Variants in ZDHHC14 observed in about 807,000 individuals in gnomAD.
ZDHHC14 encodes palmitoyltransferase ZDHHC14.
ZDHHC14 carries 16 observed loss-of-function variants against 47.7 expected under a neutral mutation model. The observed-to-expected ratio is 0.34, with a 90% CI of 0.23 to 0.51. ZDHHC14 has a LOEUF of 0.51. ZDHHC14 is among the 20% of genes least tolerant of loss of function. The pLI is 0.97. For synonymous variants in ZDHHC14, 293 were observed against 278.9 expected (o/e 1.05, Z -0.50); for missense variants, 515 against 662.5 (o/e 0.78, Z 2.44).
chr6:157,514,524 G>A (rs572658854), intron 1 of ZDHHC14, among the ~76,000 whole-genome samples: 1 of 152,232 alleles, frequency 6.6e-6, no homozygotes, highest in Non-Finnish European at 1.5e-5. Context: ...ATATCGCCAA[G>A]AAGTTGGATT....
intron 1 of ZDHHC14, among the ~76,000 whole-genome samples, chr6:157,534,045 A>G (rs548290028): frequency 2.0e-5 from 3 of 152,200 alleles, no homozygotes; most frequent in Non-Finnish European, 4.4e-5. Context: ...ATTGGATGAA[A>G]CAAGAATTAT....
chr6:157,647,293 A>G lies in ZDHHC14; in HGVS notation c.890A>G (p.Glu297Gly). 1 of 1,614,204 alleles carries G rather than the reference A, an allele frequency of 6.2e-7. No individual in the cohort carries two copies. The highest frequency in any genetic ancestry group is 8.5e-7 in the Non-Finnish European group (1 of 1,180,028). The part of the protein sequence containing the change: ...KGSWSNKRGK[E>G]NYNPYSYGNI... ...TCCTGGTCAAATAAAAGAGGTAAAGAAAATTACAATCCCTACAGCTACGGA... is the reference window on the plus strand; with the variant it reads ...TCCTGGTCAAATAAAAGAGGTAAAGGAAATTACAATCCCTACAGCTACGGA... Residue 297 changes from glutamate (E) to glycine (G), a missense_variant, in exon 7 of 9, where the codon GAA becomes GGA. By Grantham distance (98) the Glu-to-Gly change is moderately conservative (BLOSUM62 -2). Transcript: ENST00000359775.
intron 8 of ZDHHC14, among the ~76,000 whole-genome samples, chr6:157,668,664 C>T (rs1405696090): frequency 2.6e-5 from 4 of 152,178 alleles, no homozygotes; most frequent in African/African-American, 9.7e-5. Flanking sequence ...CGTGCCACTG[C>T]ACTCCAGCCT....
At chr6:157,669,743 T>C (rs907039344) in intron 8 of ZDHHC14, among the ~76,000 whole-genome samples, 14 of 152,214 alleles carry the variant, frequency 9.2e-5, no homozygotes, top group African/African-American at 3.1e-4. Flanking sequence ...GAGGGGAAGC[T>C]TGAAAACAAG....
intron 2 of ZDHHC14, among the ~76,000 whole-genome samples, chr6:157,549,297 G>T (rs1782124963): frequency 6.6e-6 from 1 of 152,220 alleles, no homozygotes; most frequent in African/African-American, 2.4e-5. Context: ...TCAAATCCTG[G>T]GCTCCAGTGG....
In ZDHHC14 at chr6:157,473,968, C is replaced by T. The variant is rs536335288; in HGVS notation, c.246-68617C>T. ...AGCATTTCGGATAAGGGAAATTCAA[C>T]CTATACCATATTTTCTTTTCTTTTT... On this transcript the variant is annotated intron_variant, in intron 1 of 8. Transcript: ENST00000359775. Among the ~76,000 whole-genome samples the T allele has an allele frequency of 2.4e-4, 36 of 151,056 alleles. 1 individual carries two copies. In the South Asian group the frequency reaches 7.5e-3, roughly 32 times the overall value.
At chr6:157,488,895 T>A (rs980843366) in intron 1 of ZDHHC14, among the ~76,000 whole-genome samples, 1 of 152,246 alleles carries the variant, frequency 6.6e-6, no homozygotes, top group African/African-American at 2.4e-5. Flanking sequence ...CGCTGGTGTG[T>A]CTGCAGCAAT....
intron 3 of ZDHHC14, among the ~76,000 whole-genome samples, chr6:157,597,939 C>CT (rs1784196619): frequency 6.6e-6 from 1 of 152,250 alleles, no homozygotes; most frequent in Admixed American, 6.5e-5. Context: ...TCCCCTGCCT[C>CT]TTTTAAATCC....
At chr6:157,524,152 C>T (rs546249888) in intron 1 of ZDHHC14, among the ~76,000 whole-genome samples, 8 of 148,020 alleles carry the variant, frequency 5.4e-5, no homozygotes, top group Admixed American at 3.4e-4. Context: ...TTTTTTGAGA[C>T]GGAGTCTCAC....
chr6:157,388,970 G>A (rs1010456683), intron 1 of ZDHHC14, among the ~76,000 whole-genome samples: 1 of 152,118 alleles, frequency 6.6e-6, no homozygotes, highest in Admixed American at 6.5e-5. Context: ...GATTTTGAGT[G>A]TGTGTATTCC....
intron 2 of ZDHHC14, among the ~76,000 whole-genome samples, chr6:157,570,112 T>C (rs1265588581): frequency 6.6e-6 from 1 of 152,230 alleles, no homozygotes; most frequent in Non-Finnish European, 1.5e-5. Flanking sequence ...TCTTCAATGC[T>C]AAAGATAAAA....
rs540222742 is a variant in ZDHHC14, at chr6:157,566,294, A to G, written c.406+23549A>G. 4.6e-5 allele frequency among the ~76,000 whole-genome samples: 7 copies of G among 152,312 alleles called. No homozygotes were observed. The East Asian group carries it at 1.4e-3, about 29-fold the overall frequency. The stretch of plus-strand genomic sequence containing the variant: ...GTCCCACTGTTGGCTAGCCGAATCC[A>G]GACTGTCATTTGCCAGGCTGGGGGT... On this transcript the variant is annotated intron_variant, in intron 2 of 8. Coordinates refer to ENST00000359775, the MANE Select transcript of ZDHHC14 (RefSeq NM_024630.3).
chr6:157,530,586 G>A (rs1781327517), intron 1 of ZDHHC14, among the ~76,000 whole-genome samples: 1 of 152,140 alleles, frequency 6.6e-6, no homozygotes, highest in East Asian at 1.9e-4. Context: ...CAGGGCTCGT[G>A]GGCTTTAAGC....
At chr6:157,558,938 C>T (rs1325465390) in intron 2 of ZDHHC14, among the ~76,000 whole-genome samples, 1 of 141,682 alleles carries the variant, frequency 7.1e-6, no homozygotes, top group Non-Finnish European at 1.6e-5. Context: ...GGGTGGATTT[C>T]CCCCCAGCTC....
At chr6:157,408,186 C>A in intron 1 of ZDHHC14, among the ~76,000 whole-genome samples, 1 of 152,196 alleles carries the variant, frequency 6.6e-6, no homozygotes, top group East Asian at 1.9e-4. Flanking sequence ...GAGGCTTAAT[C>A]AAGAGAAAAG....
chr6:157,434,295 A>T (rs908175322), intron 1 of ZDHHC14, among the ~76,000 whole-genome samples: 1 of 151,404 alleles, frequency 6.6e-6, no homozygotes, highest in Non-Finnish European at 1.5e-5. Context: ...GAATAGACTA[A>T]GCCTGGGCCA....
At chr6:157,444,425 C>A (rs998598867) in intron 1 of ZDHHC14, among the ~76,000 whole-genome samples, 1 of 152,166 alleles carries the variant, frequency 6.6e-6, no homozygotes, top group South Asian at 2.1e-4. Flanking sequence ...CGCCTGTAAT[C>A]CAAGCAATTT....
intron 7 of ZDHHC14, among the ~76,000 whole-genome samples, chr6:157,647,571 CTG>C (rs1382641148): frequency 6.6e-6 from 1 of 152,188 alleles, no homozygotes; most frequent in Non-Finnish European, 1.5e-5. Context: ...TCAATTGAAT[CTG>C]TGTCTGATTG....
At chr6:157,648,343 G>C (rs768447085) in intron 7 of ZDHHC14, among the ~76,000 whole-genome samples, 6 of 152,092 alleles carry the variant, frequency 3.9e-5, no homozygotes, top group Non-Finnish European at 8.8e-5. Flanking sequence ...CAGACCCACT[G>C]TGCACCCAGA....
Sources: allele counts gnomAD v4.1 joint callset (sites outside exome capture counted in the v4.1 genomes callset), GRCh38; gene constraint gnomAD v4.1.1; transcripts MANE v1.5; gene names NCBI Gene and HGNC (gene_info 2026-07-23, HGNC 2026-07-21).